Variants in DIAPH2 observed in about 807,000 individuals in gnomAD.
DIAPH2 encodes the protein protein diaphanous homolog 2.
Under a neutral mutation model 92.7 loss-of-function variants are expected in DIAPH2, and 35 were observed. That is an observed-to-expected ratio of 0.38 (90% CI 0.29 to 0.50). The LOEUF is 0.50. DIAPH2 is among the 20% of genes least tolerant of loss of function. The pLI, the probability that DIAPH2 is intolerant of heterozygous loss-of-function variation, is 0.94. For synonymous variants in DIAPH2, 301 were observed against 280.4 expected (o/e 1.07, Z -0.73); for missense variants, 701 against 819.5 (o/e 0.86, Z 1.77).
intron 21 of DIAPH2, among the ~76,000 whole-genome samples, chrX:97,120,637 T>A (rs943266813): frequency 5.0e-5 from 5 of 100,669 alleles, no homozygotes; most frequent in Admixed American, 2.1e-4. Context: ...TTTTTTTTTT[T>A]AGCTCATCAG....
chrX:96,994,065 G>T (rs933006188), intron 17 of DIAPH2, among the ~76,000 whole-genome samples: 4 of 111,573 alleles, frequency 3.6e-5, no homozygotes, highest in Admixed American at 1.9e-4. Flanking sequence ...TTTAATCAGG[G>T]TTTTGTGATG....
At chrX:97,363,367 G>T (rs1466302232) in intron 24 of DIAPH2, among the ~76,000 whole-genome samples, 1 of 110,408 alleles carries the variant, frequency 9.1e-6, no homozygotes, top group Non-Finnish European at 1.9e-5. Flanking sequence ...TATTAAAAAC[G>T]CCAACTAGGC....
At chrX:97,026,695 A>C (rs2066337400) in intron 17 of DIAPH2, among the ~76,000 whole-genome samples, 2 of 112,321 alleles carry the variant, frequency 1.8e-5, no homozygotes, top group Non-Finnish European at 3.8e-5. Context: ...TTCCTGTTGA[A>C]ACACTGATAA....
intron 24 of DIAPH2, among the ~76,000 whole-genome samples, chrX:97,377,890 G>T (rs1447852296): frequency 9.1e-6 from 1 of 109,680 alleles, no homozygotes; most frequent in Non-Finnish European, 1.9e-5. Flanking sequence ...CTGGTCAGGG[G>T]TTATTTAATA....
intron 22 of DIAPH2, among the ~76,000 whole-genome samples, chrX:97,185,447 A>G (rs1205679255): frequency 1.0e-4 from 4 of 39,367 alleles, no homozygotes; most frequent in Non-Finnish European, 1.6e-4. Context: ...GTATATATAT[A>G]TGTGTGTGTA....
At chrX:96,712,886 T>G (rs1403061004) in intron 1 of DIAPH2, among the ~76,000 whole-genome samples, 1 of 111,426 alleles carries the variant, frequency 9.0e-6, no homozygotes, top group Admixed American at 9.6e-5. Flanking sequence ...TTAAACATTT[T>G]AACTATCCCT....
chrX:96,789,385 C>T (rs1483233151), intron 4 of DIAPH2, among the ~76,000 whole-genome samples: 1 of 111,764 alleles, frequency 8.9e-6, no homozygotes, highest in Non-Finnish European at 1.9e-5. Context: ...TACAAACAGG[C>T]ATAGTAAACC....
At chrX:96,754,569 A>G (rs990721958) in intron 3 of DIAPH2, among the ~76,000 whole-genome samples, 2 of 110,964 alleles carry the variant, frequency 1.8e-5, no homozygotes, top group African/African-American at 6.6e-5. Context: ...ATTTGGCAAA[A>G]ATTAAACTAC....
intron 23 of DIAPH2, among the ~76,000 whole-genome samples, chrX:97,334,814 CTA>C (rs1036614344): frequency 2.6e-4 from 28 of 107,191 alleles, no homozygotes; most frequent in African/African-American, 9.1e-4. Flanking sequence ...AACGCCGTCT[CTA>C]TTAAAAATAC....
At chrX:96,872,238 A>G (rs1460184180) in intron 4 of DIAPH2, among the ~76,000 whole-genome samples, 1 of 110,871 alleles carries the variant, frequency 9.0e-6, no homozygotes, top group African/African-American at 3.3e-5. Context: ...CCCATTAACT[A>G]TCCCCATTTC....
chrX:97,074,261 C>G (rs1389171439), intron 18 of DIAPH2, among the ~76,000 whole-genome samples: 1 of 110,954 alleles, frequency 9.0e-6, no homozygotes, highest in African/African-American at 3.3e-5. Flanking sequence ...ACAAAATTAG[C>G]CGGGCGTGAT....
intron 26 of DIAPH2, among the ~76,000 whole-genome samples, chrX:97,538,652 G>A (rs1334815796): frequency 1.8e-5 from 2 of 111,838 alleles, no homozygotes; most frequent in African/African-American, 6.5e-5. Flanking sequence ...CTGCAGCTTT[G>A]ATAATGAAAA....
chrX:97,008,825 T>C (rs2066203430), intron 17 of DIAPH2, among the ~76,000 whole-genome samples: 1 of 111,537 alleles, frequency 9.0e-6, no homozygotes, highest in Non-Finnish European at 1.9e-5. Context: ...GAAGGGGTGA[T>C]GTAAATGCTC....
chrX:97,494,568 A>G (rs1249055375), intron 26 of DIAPH2, among the ~76,000 whole-genome samples: 1 of 111,810 alleles, frequency 8.9e-6, no homozygotes, highest in African/African-American at 3.3e-5. Flanking sequence ...ATACTTTTGC[A>G]CTGGTGTCTG....
chrX:97,026,637 C>G (rs760467156), intron 17 of DIAPH2, among the ~76,000 whole-genome samples: 1 of 112,233 alleles, frequency 8.9e-6, no homozygotes, highest in Non-Finnish European at 1.9e-5. Context: ...AGGTTAAAGA[C>G]TGCTGTTCTG....
rs142755794 is a variant in DIAPH2, at chrX:97,131,489, A to G, written c.2590-10176A>G. Among the ~76,000 whole-genome samples the G allele has an allele frequency of 1.4e-3, 152 of 111,947 alleles. 1 individual carries two copies. The highest frequency in any genetic ancestry group is 5.2e-3 in the South Asian group (14 of 2,689). On this transcript the variant is annotated intron_variant, in intron 21 of 26. Transcript: ENST00000324765. ...GCGATTTATTATTTATCTACAGTGT[A>G]TAGACAGAGCGAATGAGTCCTATGG...
At chrX:97,459,763 G>A (rs2070442876) in intron 26 of DIAPH2, among the ~76,000 whole-genome samples, 1 of 111,570 alleles carries the variant, frequency 9.0e-6, no homozygotes, top group African/African-American at 3.3e-5. Context: ...CATAAGTGAT[G>A]GTGTAGATAT....
At chrX:96,782,799 T>C (rs769411945) in intron 4 of DIAPH2, among the ~76,000 whole-genome samples, 1 of 111,427 alleles carries the variant, frequency 9.0e-6, no homozygotes, top group African/African-American at 3.3e-5. Context: ...GCTACTTTTC[T>C]AGGTACTGGG....
At position 97,599,506 on chromosome X, in the gene DIAPH2, AAC is replaced by A. The variant is rs1449442572; in HGVS notation, c.*193_*194del. 3.5e-6 allele frequency: 1 copy of A among 285,990 alleles called. No homozygotes were observed. Among genetic ancestry groups the A allele is most frequent in the Non-Finnish European group, 6.4e-6 (1 of 155,042 alleles). 23.6% of individuals were successfully genotyped at this position (285,990 alleles called of 1,213,427 possible). ...CTCCTCCCACAATTATTCTAATCTG[AAC>A]ACAGTTATCAGGATTACAAAATGTG... On this transcript the variant is annotated 3_prime_UTR_variant, in exon 27 of 27. Transcript: ENST00000324765.
Sources: allele counts gnomAD v4.1 joint callset (sites outside exome capture counted in the v4.1 genomes callset), GRCh38; gene constraint gnomAD v4.1.1; transcripts MANE v1.5; gene names NCBI Gene and HGNC (gene_info 2026-07-23, HGNC 2026-07-21).